CLCN1: variants seen among roughly 807,000 people sequenced by gnomAD.
The protein encoded by CLCN1 is chloride voltage-gated channel 1.
CLCN1 carries 100 observed loss-of-function variants against 114.5 expected under a neutral mutation model. The observed-to-expected ratio is 0.87, with a 90% confidence interval of 0.74 to 1.03. CLCN1 has a LOEUF of 1.03. Ranked by LOEUF, CLCN1 falls within the 50% of genes least tolerant of loss-of-function variation. CLCN1 has a pLI of 0.00. For missense variants in CLCN1, 1,188 were observed against 1,250.0 expected (o/e 0.95, Z 0.75); for synonymous variants, 485 against 487.1 (o/e 1.00, Z 0.06).
chr7:143,322,316 A>G (rs1052632006), intron 5 of CLCN1, among the ~76,000 whole-genome samples: 1 of 152,124 alleles, frequency 6.6e-6, no homozygotes, highest in African/African-American at 2.4e-5. Context: ...TGAGAAAACT[A>G]GGACTGAGAA....
In CLCN1 at chr7:143,330,881, G is replaced by A. The variant is rs749473626; in HGVS notation, c.963G>A (p.Val321=). ...CCTTTGTGTTTCGAGTGCTGGCAGT[G>A]TGGAACAAGGATGCTGGTAACCAAG... ...FSAFVFRVLA[V]WNKDAVTITA... Residue 321 remains valine, a synonymous_variant, in exon 8 of 23, where the codon GTG becomes GTA. Transcript: ENST00000343257. The A allele has an allele frequency of 6.2e-7, 1 of 1,614,210 alleles. No individual in the cohort carries two copies. Among genetic ancestry groups the A allele is most frequent in the Non-Finnish European group, 8.5e-7 (1 of 1,180,056 alleles).
chr7:143,344,156 G>A (rs1803164438), intron 16 of CLCN1, among the ~76,000 whole-genome samples: 1 of 152,136 alleles, frequency 6.6e-6, no homozygotes, highest in Admixed American at 6.5e-5. Context: ...GTTTCACATG[G>A]AGGAGTGAAT....
intron 10 of CLCN1, among the ~76,000 whole-genome samples, 154 bp from the exon 11 acceptor site, chr7:143,332,265 G>A (rs1203220430): frequency 6.6e-6 from 1 of 152,178 alleles, no homozygotes; most frequent in Non-Finnish European, 1.5e-5. Flanking sequence ...ACCGCACTCG[G>A]CCTCAAATAT....
At chr7:143,347,996 C>T (rs898189343) in intron 20 of CLCN1, among the ~76,000 whole-genome samples, 6 of 152,114 alleles carry the variant, frequency 3.9e-5, no homozygotes, top group Non-Finnish European at 7.3e-5. Context: ...TAAAAGAATG[C>T]AGAGTTTGCT....
chr7:143,316,118 T>C lies in CLCN1; in HGVS notation c.-95T>C, dbSNP rs760055686. On this transcript the variant is annotated 5_prime_UTR_variant, in exon 1 of 23. Transcript: ENST00000343257. ...AGGTGGGCATGCTGCCCCAGACGCC[T>C]TGGGGACAGCAAGAGCAGAGGCTTA... The C allele has an allele frequency of 6.6e-5, 68 of 1,030,724 alleles. No individual in the cohort carries two copies. The highest frequency in any genetic ancestry group is 1.0e-4 in the Non-Finnish European group (68 of 663,622). 63.8% of individuals were successfully genotyped at this position (1,030,724 alleles called of 1,614,324 possible). A position where few individuals can be genotyped will look rare whatever the true frequency, so the allele number is the denominator to read the frequency against.
At position 143,319,783 on chromosome 7, in the gene CLCN1, C is replaced by A; in HGVS notation, c.209C>A (p.Ser70Ter). 1 of 1,613,810 alleles carries A rather than the reference C, an allele frequency of 6.2e-7. No individual in the cohort carries two copies. The highest frequency in any genetic ancestry group is 8.5e-7 in the Non-Finnish European group (1 of 1,179,728). The change falls in exon 2 of 23, where the codon TCA (serine) becomes TAA (stop). Residue 70 changes from serine (S) to a stop codon, truncating the protein, a stop_gained. Coordinates refer to ENST00000343257, the MANE Select transcript of CLCN1 (RefSeq NM_000083.3). LOFTEE classifies it high-confidence loss of function. ...QIYGHHKEQF[S>*]DREQDIGMPK... is the part of the protein sequence containing the mutation. ...TATGGCCATCACAAAGAACAATTCTCAGACAGGGAGCAGGACATAGGGATG... is the reference window on the plus strand; with the variant it reads ...TATGGCCATCACAAAGAACAATTCTAAGACAGGGAGCAGGACATAGGGATG...
Position 143,346,891 on chromosome 7 carries a change from C to T in CLCN1, c.2365-20C>T, listed in dbSNP as rs1803264349. 6.2e-7 allele frequency: 1 copy of T among 1,612,028 alleles called. No homozygotes were observed. Among genetic ancestry groups the T allele is most frequent in the Non-Finnish European group, 8.5e-7 (1 of 1,178,162 alleles). On this transcript the variant is annotated intron_variant, in intron 19 of 22. Transcript: ENST00000343257. ...GGGAAGAAAAGGGAAAGAACTTGGACCTATGTCTTTCTTCTCTAGGATTCC... is the reference window on the plus strand; with the variant it reads ...GGGAAGAAAAGGGAAAGAACTTGGATCTATGTCTTTCTTCTCTAGGATTCC...
In CLCN1 at chr7:143,350,939, G is replaced by A. The variant is rs902172389; in HGVS notation, c.2595+285G>A. Among the ~76,000 whole-genome samples the A allele has an allele frequency of 1.3e-5, 2 of 151,988 alleles. No individual in the cohort carries two copies. The highest frequency in any genetic ancestry group is 2.9e-5 in the Non-Finnish European group (2 of 67,992). On this transcript the variant is annotated intron_variant, in intron 22 of 22. Coordinates refer to ENST00000343257, the MANE Select transcript of CLCN1 (RefSeq NM_000083.3). The surrounding 1 kb of genome is among the most constrained non-coding windows in gnomAD (Gnocchi z 5.1). The stretch of plus-strand genomic sequence containing the variant: ...ATTACAGGCGCCCGCTACCACACCC[G>A]CTAATTTTTTGTATTTTTAGTAGAG...
chr7:143,330,207 G>A (rs554971822), intron 7 of CLCN1, among the ~76,000 whole-genome samples: 10 of 151,850 alleles, frequency 6.6e-5, no homozygotes, highest in African/African-American at 9.7e-5. Flanking sequence ...TTGAACTATC[G>A]AGGATGGTCA....
At chr7:143,326,263 C>T (rs867630245) in intron 7 of CLCN1, among the ~76,000 whole-genome samples, 6 of 151,712 alleles carry the variant, frequency 4.0e-5, no homozygotes, top group Middle Eastern at 3.2e-3. Context: ...AGTGATCCGC[C>T]CACCTTGGCC....
intron 3 of CLCN1, 102 bp downstream of exon 3, chr7:143,320,897 G>C (rs1802412385): frequency 7.1e-7 from 1 of 1,411,064 alleles, no homozygotes; most frequent in Non-Finnish European, 1.0e-6. Context: ...GGTGTGTTAT[G>C]GGAAGCGAAT....
intron 16 of CLCN1, 149 bp downstream of exon 16, chr7:143,342,654 G>A (rs1803118300): frequency 2.5e-6 from 2 of 804,204 alleles, no homozygotes; most frequent in Admixed American, 2.0e-5. Flanking sequence ...CATAACACAA[G>A]CACACAAAGA....
intron 12 of CLCN1, among the ~76,000 whole-genome samples, chr7:143,334,827 C>G (rs966370544): frequency 6.6e-6 from 1 of 152,198 alleles, no homozygotes; most frequent in African/African-American, 2.4e-5. Flanking sequence ...TGTCTTTCTT[C>G]AAAAGATTTT....
intron 7 of CLCN1, among the ~76,000 whole-genome samples, chr7:143,328,654 G>A (rs1802640490): frequency 6.6e-6 from 1 of 152,126 alleles, no homozygotes; most frequent in Non-Finnish European, 1.5e-5. Context: ...TTTTGTTACT[G>A]GTATAGAAAA....
In CLCN1 at chr7:143,350,410, C is replaced by G. The variant is rs541671289; in HGVS notation, c.2442C>G (p.Val814=). 1 of 1,614,096 alleles carries G rather than the reference C, an allele frequency of 6.2e-7. No individual in the cohort carries two copies. Among genetic ancestry groups the G allele is most frequent in the Non-Finnish European group, 8.5e-7 (1 of 1,180,032 alleles). Residue 814 remains valine (V), a synonymous_variant, in exon 21 of 23, where the codon GTC becomes GTG. Coordinates refer to ENST00000343257, the MANE Select transcript of CLCN1 (RefSeq NM_000083.3). This position sits in a 1 kb window ranked among gnomAD's most constrained non-coding sequence, Gnocchi z 5.1. ...AWEQEQLSQP[V]CFDSCCIDQS... ...AGCAGGAGCAGCTGAGCCAGCCTGT[C>G]TGTTTTGATTCCTGCTGTATTGACC... is the stretch of plus-strand genomic sequence containing the variant.
chr7:143,322,284 G>A (rs936417259), intron 5 of CLCN1, among the ~76,000 whole-genome samples: 32 of 152,154 alleles, frequency 2.1e-4, no homozygotes, highest in Admixed American at 1.3e-4. Context: ...AGATCATCCA[G>A]ACCAATTCTC....
chr7:143,321,587 G>C lies in CLCN1; in HGVS notation c.562+94G>C. 6.2e-7 allele frequency: 1 copy of C among 1,607,418 alleles called. No homozygotes were observed. The highest frequency in any genetic ancestry group is 2.2e-5 in the East Asian group (1 of 44,844). On this transcript the variant is annotated intron_variant, in intron 4 of 22. Transcript: ENST00000343257. The surrounding 1 kb of genome is among the most constrained non-coding windows in gnomAD (Gnocchi z 4.2). Reference sequence around the variant, plus strand: ...CATCCAGCCCCACCCACAGCCCTGTGCTGCCTTGCCCCATCCTCCCCACCA... The same window carrying C: ...CATCCAGCCCCACCCACAGCCCTGTCCTGCCTTGCCCCATCCTCCCCACCA...
chr7:143,351,943 A>C lies in CLCN1; in HGVS notation c.2945A>C (p.Asp982Ala), dbSNP rs1803425059. 28 of 1,613,056 alleles carry C rather than the reference A, an allele frequency of 1.7e-5. No homozygotes were observed. Among genetic ancestry groups the C allele is most frequent in the Non-Finnish European group, 2.4e-5 (28 of 1,180,032 alleles). ...AGCCTGCGATCCACAGACGAGGAGGATGAGGATGAACTGATCCTTTGACCC... is the reference window on the plus strand; with the variant it reads ...AGCCTGCGATCCACAGACGAGGAGGCTGAGGATGAACTGATCCTTTGACCC... Reference protein sequence around the residue: ...GPSLRSTDEEDEDELIL With the variant: ...GPSLRSTDEEAEDELIL Residue 982 changes from aspartate (D) to alanine (A), a missense_variant, in exon 23 of 23, where the codon GAT becomes GCT. Coordinates refer to ENST00000343257, the MANE Select transcript of CLCN1 (RefSeq NM_000083.3).
Position 143,346,256 on chromosome 7 carries a change from C to G in CLCN1, c.2284+5C>G. ...CGGAAGCACCAGAGCCTGCAGGTGACGCTCTTCCCTCATGCACCCCAACTC... is the reference window on the plus strand; with the variant it reads ...CGGAAGCACCAGAGCCTGCAGGTGAGGCTCTTCCCTCATGCACCCCAACTC... On this transcript the variant is annotated splice_donor_5th_base_variant and intron_variant, in intron 18 of 22. Transcript: ENST00000343257. The G allele has an allele frequency of 1.3e-6, 2 of 1,590,500 alleles. No homozygotes were observed. Among genetic ancestry groups the G allele is most frequent in the South Asian group, 1.1e-5 (1 of 90,580 alleles).
Sources: allele counts gnomAD v4.1 joint callset (sites outside exome capture counted in the v4.1 genomes callset), GRCh38; gene constraint gnomAD v4.1.1; non-coding constraint Gnocchi (gnomAD v3.1); transcripts MANE v1.5; gene names NCBI Gene and HGNC (gene_info 2026-07-23, HGNC 2026-07-21).